The following SGCD variants were observed in gnomAD, a reference collection of about 807,000 sequenced individuals.
The protein encoded by SGCD is delta-sarcoglycan.
Under a neutral mutation model 36.6 loss-of-function variants are expected in SGCD, and 18 were observed. That is an observed-to-expected ratio of 0.49 (90% CI 0.34 to 0.73). The LOEUF is 0.73. Among genes scored for constraint, SGCD ranks in the 30% least tolerant of loss-of-function variants. The pLI, the probability that SGCD is intolerant of heterozygous loss-of-function variation, is 0.01. For synonymous variants in SGCD, 133 were observed against 130.6 expected (o/e 1.02, Z -0.12); for missense variants, 387 against 346.7 (o/e 1.12, Z -0.92).
chr5:155,996,062 GT>G (rs1758537098), intron 1 of SGCD, among the ~76,000 whole-genome samples: 2 of 150,462 alleles, frequency 1.3e-5, no homozygotes, highest in South Asian at 4.2e-4. Flanking sequence ...ATATGATTAG[GT>G]GTTGTTGAGG....
intron 7 of SGCD, among the ~76,000 whole-genome samples, chr5:156,657,171 G>A (rs944014352): frequency 2.0e-5 from 3 of 151,398 alleles, no homozygotes; most frequent in African/African-American, 7.3e-5. Context: ...GTAATTCTCC[G>A]CACACCACTG....
intron 1 of SGCD, among the ~76,000 whole-genome samples, chr5:155,909,321 A>T (rs746054010): frequency 2.0e-5 from 3 of 152,178 alleles, no homozygotes; most frequent in Non-Finnish European, 4.4e-5. Flanking sequence ...TATTTCGAAG[A>T]TGGAAAATAT....
intron 1 of SGCD, among the ~76,000 whole-genome samples, chr5:155,928,310 G>C (rs1378680524): frequency 1.3e-5 from 2 of 152,282 alleles, no homozygotes; most frequent in East Asian, 3.9e-4. Flanking sequence ...ATGGTATTAT[G>C]TATCAATCAA....
chr5:156,186,623 A>G (rs188479145), intron 3 of SGCD, among the ~76,000 whole-genome samples: 4 of 152,262 alleles, frequency 2.6e-5, no homozygotes. Context: ...ATACACGACT[A>G]TATGCAACTA....
At chr5:156,756,843 C>T (rs1487928457) in intron 7 of SGCD, among the ~76,000 whole-genome samples, 1 of 128,596 alleles carries the variant, frequency 7.8e-6, no homozygotes, top group Non-Finnish European at 1.6e-5. Context: ...CACCTCCCCT[C>T]CCAGCCCCTG....
intron 7 of SGCD, among the ~76,000 whole-genome samples, chr5:156,677,868 A>G (rs1350900101): frequency 6.6e-6 from 1 of 152,236 alleles, no homozygotes; most frequent in Non-Finnish European, 1.5e-5. Context: ...GAAGGTTTTC[A>G]GACTTCCTGA....
At chr5:156,404,162 C>A (rs1772295147) in intron 3 of SGCD, among the ~76,000 whole-genome samples, 1 of 152,162 alleles carries the variant, frequency 6.6e-6, no homozygotes. Flanking sequence ...ACCCAGAATA[C>A]TCAGAATTGA....
rs543072167 is a variant in SGCD, at chr5:156,467,964, A to G, written c.193-40637A>G. Among the ~76,000 whole-genome samples the G allele has an allele frequency of 1.5e-3, 232 of 152,324 alleles. 1 individual carries two copies. The highest frequency in any genetic ancestry group is 5.4e-3 in the African/African-American group (224 of 41,580). Reference sequence around the variant, plus strand: ...AAAGGGAAGGATCATAGCCTGTAGAAGTAAATTCAGAGTTTGCTGCTTGCT... The same window carrying G: ...AAAGGGAAGGATCATAGCCTGTAGAGGTAAATTCAGAGTTTGCTGCTTGCT... On this transcript the variant is annotated intron_variant, in intron 3 of 8. Transcript: ENST00000337851.
At chr5:156,593,574 A>T (rs1025858382) in intron 5 of SGCD, among the ~76,000 whole-genome samples, 2 of 151,984 alleles carry the variant, frequency 1.3e-5, no homozygotes, top group Admixed American at 1.3e-4. Context: ...ATTTACTCCC[A>T]TTTTCTGATA....
intron 1 of SGCD, among the ~76,000 whole-genome samples, chr5:156,078,846 A>T (rs954761260): frequency 6.6e-6 from 1 of 150,668 alleles, no homozygotes; most frequent in South Asian, 2.1e-4. Context: ...ACTTACACTT[A>T]TTTGTGTGTA....
chr5:156,134,582 T>C (rs546592943), intron 3 of SGCD, among the ~76,000 whole-genome samples: 10 of 152,066 alleles, frequency 6.6e-5, no homozygotes, highest in Admixed American at 1.3e-4. Flanking sequence ...ACCCCTCATC[T>C]TTAAAGTTCC....
Position 155,937,903 on chromosome 5 carries a change from T to A in SGCD, c.-282+67479T>A, listed in dbSNP as rs549477931. On this transcript the variant is annotated intron_variant, in intron 1 of 9. Transcript: ENST00000517913. ...GAATATACAAAACAGATGAGAAGAGTGAAAGCTGAGGTTCACAAGTTTGAT... is the reference window on the plus strand; with the variant it reads ...GAATATACAAAACAGATGAGAAGAGAGAAAGCTGAGGTTCACAAGTTTGAT... Among the ~76,000 whole-genome samples, 9 of 152,036 alleles carry A rather than the reference T, an allele frequency of 5.9e-5. No homozygotes were observed. In the South Asian group the frequency reaches 1.9e-3, roughly 32 times the overall value.
intron 1 of SGCD, among the ~76,000 whole-genome samples, chr5:156,019,493 A>C (rs1194008854): frequency 2.6e-5 from 4 of 152,226 alleles, no homozygotes; most frequent in African/African-American, 9.6e-5. Context: ...CATTTCTTTG[A>C]AAAATGGTTA....
intron 3 of SGCD, among the ~76,000 whole-genome samples, chr5:156,291,460 A>G (rs1484760651): frequency 6.6e-6 from 1 of 152,136 alleles, no homozygotes; most frequent in Non-Finnish European, 1.5e-5. Context: ...CATTTACAAA[A>G]ACAGGCAACA....
intron 3 of SGCD, among the ~76,000 whole-genome samples, chr5:156,367,961 A>G (rs1209521029): frequency 1.3e-5 from 2 of 152,122 alleles, no homozygotes; most frequent in East Asian, 3.9e-4. Context: ...GTTTCTCAGC[A>G]TTTTCAATAT....
At chr5:155,850,707 C>T in the SGCD span, among the ~76,000 whole-genome samples, 2 of 152,282 alleles carry the variant, frequency 1.3e-5, no homozygotes, top group Admixed American at 6.5e-5. Flanking sequence ...TGGGTTCTGT[C>T]TGTCTCTTGC....
chr5:156,718,517 C>T (rs1441212923), intron 7 of SGCD, among the ~76,000 whole-genome samples: 1 of 152,068 alleles, frequency 6.6e-6, no homozygotes, highest in Non-Finnish European at 1.5e-5. Context: ...CAGTGGCTCA[C>T]ACCTGTAATC....
At chr5:155,732,362 G>A in the SGCD span, among the ~76,000 whole-genome samples, 3 of 152,334 alleles carry the variant, frequency 2.0e-5, no homozygotes, top group Non-Finnish European at 2.9e-5. Context: ...AGGCGTGGTT[G>A]ACTTCAAGAT....
Position 156,767,498 on chromosome 5 carries a change from A to AC in SGCD, c.*8108_*8109insC, listed in dbSNP as rs1366865523. The AC allele has an allele frequency of 2.2e-4, 34 of 151,862 alleles. No homozygotes were observed. The highest frequency in any genetic ancestry group is 3.4e-3 in the Middle Eastern group (1 of 292). 9.4% of individuals were successfully genotyped at this position (151,862 alleles called of 1,614,324 possible). ...TTGGAGATTTTGAAAAAAAAAAAAA[A>AC]AAAAAACCCATTCCCATAAAGTAAT... On this transcript the variant is annotated 3_prime_UTR_variant, in exon 9 of 9. Coordinates refer to ENST00000337851, the MANE Select transcript of SGCD (RefSeq NM_000337.6).
Sources: allele counts gnomAD v4.1 joint callset (sites outside exome capture counted in the v4.1 genomes callset), GRCh38; gene constraint gnomAD v4.1.1; transcripts MANE v1.5; gene names NCBI Gene and HGNC (gene_info 2026-07-23, HGNC 2026-07-21).